FAM3B: variants seen among roughly 807,000 people sequenced by gnomAD.
The protein encoded by FAM3B is FAM3 metabolism regulating signaling molecule B.
FAM3B carries 29 observed loss-of-function variants against 28.4 expected under a neutral mutation model. The observed-to-expected ratio is 1.02, with a 90% CI of 0.76 to 1.39. FAM3B has a LOEUF of 1.39. Among genes scored for constraint, FAM3B ranks in the 40% most tolerant of loss-of-function variants. The pLI, the probability that FAM3B is intolerant of heterozygous loss-of-function variation, is 0.00. For synonymous variants in FAM3B, 91 were observed against 103.0 expected, an observed-to-expected ratio of 0.88 and a Z score of 0.71; for missense variants, 266 against 293.9, an observed-to-expected ratio of 0.91 and a Z score of 0.69.
chr21:41,342,602 T>C (rs2145822790), intron 3 of FAM3B, among the ~76,000 whole-genome samples: 1 of 152,374 alleles, frequency 6.6e-6, no homozygotes, highest in South Asian at 2.1e-4. Context: ...CCTAATCTGC[T>C]GTCAAACCCA....
intron 4 of FAM3B, among the ~76,000 whole-genome samples, chr21:41,344,814 G>A (rs773334042): frequency 8.5e-5 from 13 of 152,148 alleles, no homozygotes; most frequent in South Asian, 2.1e-4. Context: ...CAGAAGGGCC[G>A]CCAAGGGGGT....
At chr21:41,340,208 C>T (rs924127713) in intron 3 of FAM3B, among the ~76,000 whole-genome samples, 7 of 145,894 alleles carry the variant, frequency 4.8e-5, no homozygotes, top group Non-Finnish European at 7.4e-5. Context: ...GGCTGGAGTG[C>T]AGTGGCGCCA....
chr21:41,316,610 C>G, upstream of FAM3B: 1 of 359,110 alleles, frequency 2.8e-6, no homozygotes. Context: ...GGGGTCAGCC[C>G]GGCGGGGAAC....
chr21:41,352,362 C>T (rs1311293832), intron 7 of FAM3B, among the ~76,000 whole-genome samples: 1 of 152,088 alleles, frequency 6.6e-6, no homozygotes, highest in African/African-American at 2.4e-5. Flanking sequence ...AGAAGCCTCT[C>T]TGGCCCTGCC....
chr21:41,350,880 G>A (rs922400502), intron 7 of FAM3B, among the ~76,000 whole-genome samples: 8 of 152,254 alleles, frequency 5.3e-5, no homozygotes, highest in Admixed American at 5.2e-4. Flanking sequence ...AGCATCTCCA[G>A]GGGCCTTGTC....
At chr21:41,351,484 A>C (rs2145833417) in intron 7 of FAM3B, among the ~76,000 whole-genome samples, 1 of 152,316 alleles carries the variant, frequency 6.6e-6, no homozygotes, top group South Asian at 2.1e-4. Flanking sequence ...ATGTTTGCTC[A>C]AATGTTGGTG....
chr21:41,305,101 T>C (rs1601341014), intron 1 of FAM3B, among the ~76,000 whole-genome samples: 1 of 152,156 alleles, frequency 6.6e-6, no homozygotes, highest in East Asian at 1.9e-4. Context: ...AGGAAATGTG[T>C]ACAAAATCAT....
In FAM3B at chr21:41,357,409, T is replaced by G. The variant is rs938970925; in HGVS notation, c.*212T>G. 4 of 395,492 alleles carry G rather than the reference T, an allele frequency of 1.0e-5. No individual in the cohort carries two copies. The highest frequency in any genetic ancestry group is 8.5e-5 in the Admixed American group (2 of 23,550). 24.5% of individuals were successfully genotyped at this position (395,492 alleles called of 1,614,324 possible). A position where few individuals can be genotyped will look rare whatever the true frequency, so the allele number is the denominator to read the frequency against. ...GTGAAGATGTCAATTAGCAGGAAACTAAAATGAATGGAAATTCTTAAAGGG... is the reference window on the plus strand; with the variant it reads ...GTGAAGATGTCAATTAGCAGGAAACGAAAATGAATGGAAATTCTTAAAGGG... On this transcript the variant is annotated 3_prime_UTR_variant, in exon 8 of 8. Transcript: ENST00000357985.
At chr21:41,308,759 G>A (rs1342713792) in intron 1 of FAM3B, among the ~76,000 whole-genome samples, 4 of 151,976 alleles carry the variant, frequency 2.6e-5, no homozygotes, top group Non-Finnish European at 5.9e-5. Context: ...GGCTAGTCTC[G>A]AACTCCTGAC....
intron 2 of FAM3B, among the ~76,000 whole-genome samples, chr21:41,330,885 A>G (rs1326537357): frequency 1.3e-5 from 2 of 152,248 alleles, no homozygotes; most frequent in Non-Finnish European, 2.9e-5. Flanking sequence ...GCTATTGTGA[A>G]TAATGCTGCA....
At chr21:41,337,261 G>T (rs764427580) in intron 2 of FAM3B, among the ~76,000 whole-genome samples, 1 of 152,216 alleles carries the variant, frequency 6.6e-6, no homozygotes, top group Non-Finnish European at 1.5e-5. Context: ...ATTCCTTTCT[G>T]CAGACTTAGG....
chr21:41,304,334 G>A (rs1391054208), intron 1 of FAM3B: 1 of 455,866 alleles, frequency 2.2e-6, no homozygotes, highest in Non-Finnish European at 4.4e-6. Context: ...GGGCTGGCGT[G>A]GGGAGGGGAA....
chr21:41,341,106 A>C (rs2145821401), intron 3 of FAM3B, among the ~76,000 whole-genome samples: 1 of 152,230 alleles, frequency 6.6e-6, no homozygotes, highest in South Asian at 2.1e-4. Context: ...GGTAAACTCT[A>C]TACACAGTTA....
intron 7 of FAM3B, among the ~76,000 whole-genome samples, chr21:41,354,602 T>G (rs1026719094): frequency 6.6e-6 from 1 of 152,210 alleles, no homozygotes; most frequent in African/African-American, 2.4e-5. Context: ...TGTCACACAT[T>G]CCTACTGATA....
At chr21:41,334,030 TA>T (rs2088930253) in intron 2 of FAM3B, among the ~76,000 whole-genome samples, 1 of 152,142 alleles carries the variant, frequency 6.6e-6, no homozygotes, top group African/African-American at 2.4e-5. Flanking sequence ...TCATTTAGGG[TA>T]TCTGATGGAA....
At chr21:41,304,794 C>T (rs1436048092) in intron 1 of FAM3B, among the ~76,000 whole-genome samples, 1 of 152,204 alleles carries the variant, frequency 6.6e-6, no homozygotes, top group Non-Finnish European at 1.5e-5. Flanking sequence ...TGGAGGCTTT[C>T]ATCTGGTGCC....
At chr21:41,314,215 A>G (rs1233022400), upstream of FAM3B, among the ~76,000 whole-genome samples, 2 of 152,200 alleles carry the variant, frequency 1.3e-5, no homozygotes, top group Non-Finnish European at 2.9e-5. Context: ...ACACAGTGAG[A>G]AGACAGTGAT....
intron 1 of FAM3B, among the ~76,000 whole-genome samples, chr21:41,304,855 C>T (rs1036061110): frequency 1.3e-5 from 2 of 152,050 alleles, no homozygotes; most frequent in Non-Finnish European, 2.9e-5. Flanking sequence ...AAGAAGTGAC[C>T]GTGGGTAGGG....
At chr21:41,338,348 A>G in intron 2 of FAM3B, 30 bp from the exon 3 acceptor site, 1 of 1,612,248 alleles carries the variant, frequency 6.2e-7, no homozygotes, top group Non-Finnish European at 8.5e-7. Flanking sequence ...GTGGGATGTT[A>G]ATGGCTATAT....
Sources: allele counts gnomAD v4.1 joint callset (sites outside exome capture counted in the v4.1 genomes callset), GRCh38; gene constraint gnomAD v4.1.1; transcripts MANE v1.5; gene names NCBI Gene and HGNC (gene_info 2026-07-23, HGNC 2026-07-21).